PGAP1: variants seen among roughly 807,000 people sequenced by gnomAD.
PGAP1 encodes the protein post-GPI attachment to proteins inositol deacylase 1.
Under a neutral mutation model 127.0 loss-of-function variants are expected in PGAP1, and 76 were observed. That is an observed-to-expected ratio of 0.60 (90% confidence interval 0.50 to 0.72). The LOEUF is 0.72. Among genes scored for constraint, PGAP1 ranks in the 30% least tolerant of loss-of-function variants. The pLI is 0.00. For missense variants in PGAP1, 982 were observed against 1,071.3 expected (o/e 0.92, Z 1.16); for synonymous variants, 362 against 366.5 (o/e 0.99, Z 0.14).
intron 19 of PGAP1, 21 bp from the exon 20 acceptor site, chr2:196,865,101 T>A: frequency 7.5e-7 from 1 of 1,335,072 alleles, no homozygotes; most frequent in South Asian, 1.4e-5. Context: ...GGTAAGTCAA[T>A]GGGCAACTCC....
chr2:196,895,008 C>T (rs1337104988), intron 7 of PGAP1, among the ~76,000 whole-genome samples: 1 of 152,084 alleles, frequency 6.6e-6, no homozygotes, highest in Non-Finnish European at 1.5e-5. Flanking sequence ...TATATATGTT[C>T]TGCTTTTCTC....
intron 20 of PGAP1, among the ~76,000 whole-genome samples, chr2:196,854,983 G>C (rs1440766754): frequency 6.7e-6 from 1 of 149,848 alleles, no homozygotes; most frequent in Non-Finnish European, 1.5e-5. Flanking sequence ...TTGTAGAAAC[G>C]GGGCCTCCTT....
chr2:196,904,338 G>T (rs1471652403), intron 4 of PGAP1, among the ~76,000 whole-genome samples: 1 of 152,054 alleles, frequency 6.6e-6, no homozygotes, highest in East Asian at 1.9e-4. Context: ...GCTATGCTTG[G>T]CCACAACTCA....
At chr2:196,891,136 G>A (rs144998920) in intron 9 of PGAP1, among the ~76,000 whole-genome samples, 3 of 152,246 alleles carry the variant, frequency 2.0e-5, no homozygotes, top group Non-Finnish European at 2.9e-5. Flanking sequence ...CAGTGTGAAT[G>A]TACTTTTTTG....
Position 196,842,715 on chromosome 2 carries a change from C to G in PGAP1, c.2630+6G>C. 1.4e-6 allele frequency: 2 copies of G among 1,466,038 alleles called. No homozygotes were observed. Among genetic ancestry groups the G allele is most frequent in the Non-Finnish European group, 1.9e-6 (2 of 1,069,112 alleles). The allele number at this position is 1,466,038 out of a possible 1,614,324, so 90.8% of individuals were successfully genotyped here. On this transcript the variant is annotated splice_donor_region_variant and intron_variant, in intron 26 of 26. Coordinates refer to ENST00000354764, the MANE Select transcript of PGAP1 (RefSeq NM_024989.4). The stretch of plus-strand genomic sequence containing the variant: ...TATAAGAAAAAGAAAGATTAAACTA[C>G]TGTACCTTGATTTTATTGAAACAGT...
intron 1 of PGAP1, among the ~76,000 whole-genome samples, chr2:196,921,402 T>C (rs2125841467): frequency 6.6e-6 from 1 of 152,300 alleles, no homozygotes; most frequent in South Asian, 2.1e-4. Context: ...ATTTGGTATA[T>C]GTACTTCAAT....
At chr2:196,866,896 T>A (rs1379231179) in intron 19 of PGAP1, among the ~76,000 whole-genome samples, 1 of 151,168 alleles carries the variant, frequency 6.6e-6, no homozygotes, top group Non-Finnish European at 1.5e-5. Flanking sequence ...TTCAACATCG[T>A]CTGGTCATTA....
At chr2:196,864,928 T>C (rs746962349) in intron 20 of PGAP1, 59 bp downstream of exon 20, 34 of 883,634 alleles carry the variant, frequency 3.8e-5, no homozygotes, top group Admixed American at 1.5e-4. Flanking sequence ...GTGGAACTAA[T>C]AGTCATTCTA....
chr2:196,875,108 G>A (rs888457455), intron 14 of PGAP1, among the ~76,000 whole-genome samples: 50 of 152,154 alleles, frequency 3.3e-4, no homozygotes, highest in African/African-American at 1.2e-3. Context: ...TCAAAGTTGT[G>A]AAAGACAAGG....
chr2:196,885,748 A>T, intron 11 of PGAP1, 86 bp downstream of exon 11: 1 of 848,054 alleles, frequency 1.2e-6, no homozygotes, highest in Non-Finnish European at 1.7e-6. Context: ...CAAAATGAAA[A>T]TAACAATGTA....
chr2:196,837,410 T>C lies in PGAP1; in HGVS notation c.*3824A>G, dbSNP rs1700268031. On this transcript the variant is annotated 3_prime_UTR_variant, in exon 27 of 27. Coordinates refer to ENST00000354764, the MANE Select transcript of PGAP1 (RefSeq NM_024989.4). ...TGGGAGGCCGAGGTGGGAGGATCGC[T>C]TGAAACCAGGAGTTCAAGATCAGCT... 6.6e-6 allele frequency: 1 copy of C among 152,196 alleles called. No homozygotes were observed. Among genetic ancestry groups the C allele is most frequent in the Admixed American group, 6.5e-5 (1 of 15,276 alleles). The allele number at this position is 152,196 out of a possible 1,614,324, so 9.4% of individuals were successfully genotyped here.
In PGAP1 at chr2:196,860,234, A is replaced by G. The variant is rs187332310; in HGVS notation, c.1861+4753T>C. On this transcript the variant is annotated intron_variant, in intron 20 of 26. Coordinates refer to ENST00000354764, the MANE Select transcript of PGAP1 (RefSeq NM_024989.4). The stretch of plus-strand genomic sequence containing the variant: ...CTATACACTAATAATGAAAAATCTG[A>G]AAAAGAAATCAAGAGGGCTGGGCGC... Among the ~76,000 whole-genome samples, 302 of 152,280 alleles carry G rather than the reference A, an allele frequency of 2.0e-3. 1 individual carries two copies. The highest frequency in any genetic ancestry group is 6.6e-3 in the African/African-American group (275 of 41,562).
intron 3 of PGAP1, among the ~76,000 whole-genome samples, chr2:196,914,510 A>G (rs1474691808): frequency 4.6e-5 from 7 of 152,134 alleles, no homozygotes; most frequent in Non-Finnish European, 1.0e-4. Flanking sequence ...AGTCCCAGTT[A>G]CTCAGGAGGC....
intron 12 of PGAP1, among the ~76,000 whole-genome samples, chr2:196,882,584 T>C (rs1701766671): frequency 6.6e-6 from 1 of 152,198 alleles, no homozygotes; most frequent in Non-Finnish European, 1.5e-5. Flanking sequence ...TCAGTTGTAT[T>C]CCTAGGTCTT....
rs1028482924 is a variant in PGAP1 at position 196,838,436 on chromosome 2, A to C, written c.*2798T>G. 6.6e-6 allele frequency: 1 copy of C among 152,224 alleles called. No homozygotes were observed. Among genetic ancestry groups the C allele is most frequent in the Non-Finnish European group, 1.5e-5 (1 of 68,040 alleles). 9.4% of individuals were successfully genotyped at this position (152,224 alleles called of 1,614,324 possible). A position where few individuals can be genotyped will look rare whatever the true frequency, so the allele number is the denominator to read the frequency against. ...CAAAGAACTTTCCTTTTCTCAAGTG[A>C]CAGAAACGTCCATTTTGCTAATCTT... On this transcript the variant is annotated 3_prime_UTR_variant, in exon 27 of 27. Transcript: ENST00000354764.
intron 13 of PGAP1, among the ~76,000 whole-genome samples, 199 bp from the exon 14 acceptor site, chr2:196,876,020 T>C (rs1043899825): frequency 3.3e-5 from 5 of 152,112 alleles, no homozygotes; most frequent in South Asian, 2.1e-4. Context: ...AAACTTGATA[T>C]ACAAGCCTAA....
At chr2:196,874,638 C>T (rs969825120) in intron 14 of PGAP1, among the ~76,000 whole-genome samples, 1 of 152,128 alleles carries the variant, frequency 6.6e-6, no homozygotes, top group South Asian at 2.1e-4. Context: ...ATCAGTATCA[C>T]GTATACTCAA....
intron 4 of PGAP1, among the ~76,000 whole-genome samples, chr2:196,906,628 A>C (rs1189996090): frequency 2.0e-5 from 1 of 49,742 alleles, no homozygotes; most frequent in Non-Finnish European, 4.3e-5. Context: ...TGAGAGAAGA[A>C]GGCTTCAGAC....
intron 25 of PGAP1, 140 bp from the exon 26 acceptor site, chr2:196,842,965 T>C (rs1267382547): frequency 5.2e-6 from 2 of 382,968 alleles, no homozygotes; most frequent in Non-Finnish European, 9.5e-6. Context: ...TCATGAAATA[T>C]CTGATAAATA....
Sources: gnomAD v4.1 joint callset for allele counts (sites outside exome capture counted in the v4.1 genomes callset) on GRCh38, gnomAD v4.1.1 for gene constraint, MANE v1.5 for transcripts, NCBI Gene and HGNC (gene_info 2026-07-23, HGNC 2026-07-21) for gene names.